IL31RA: variants seen among roughly 807,000 people sequenced by gnomAD.
The protein encoded by IL31RA is interleukin 31 receptor A.
A neutral mutation model predicts 83.7 loss-of-function variants in IL31RA; 66 were observed. That is an observed-to-expected ratio of 0.79 (90% CI 0.65 to 0.97). The LOEUF (loss-of-function observed/expected upper bound fraction) is 0.97, where lower values mean the gene tolerates loss of function less well. Ranked by LOEUF, IL31RA falls within the 50% of genes least tolerant of loss-of-function variation. IL31RA has a pLI of 0.00. For missense variants in IL31RA, 798 were observed against 919.4 expected, an observed-to-expected ratio of 0.87 and a Z score of 1.71; for synonymous variants, 325 against 329.0, an observed-to-expected ratio of 0.99 and a Z score of 0.13.
At chr5:55,839,892 T>C in the IL31RA span, 1 of 718,044 alleles carries the variant, frequency 1.4e-6, no homozygotes, top group Non-Finnish European at 2.6e-6. Context: ...CTGTTGTAGA[T>C]GAAACGAATA....
chr5:55,842,441 G>A, the IL31RA span, among the ~76,000 whole-genome samples: 2 of 152,264 alleles, frequency 1.3e-5, no homozygotes, highest in East Asian at 3.9e-4. Context: ...TGGCTTTGAG[G>A]CCCCATTGCA....
At chr5:55,848,595 T>A (rs1744987871), upstream of IL31RA, among the ~76,000 whole-genome samples, 1 of 152,208 alleles carries the variant, frequency 6.6e-6, no homozygotes. Flanking sequence ...ATTTATCTGT[T>A]TTGGTTTTTA....
At chr5:55,864,728 T>C (rs2112332562) in intron 2 of IL31RA, among the ~76,000 whole-genome samples, 1 of 142,514 alleles carries the variant, frequency 7.0e-6, no homozygotes, top group Middle Eastern at 4.5e-3. Flanking sequence ...ACACCACACA[T>C]ACCCTGCACA....
chr5:55,870,259 A>AT (rs1746433050), intron 3 of IL31RA, among the ~76,000 whole-genome samples: 1 of 152,156 alleles, frequency 6.6e-6, no homozygotes, highest in Non-Finnish European at 1.5e-5. Context: ...GCCCCAAAGT[A>AT]TTTTTGTTCG....
intron 3 of IL31RA, among the ~76,000 whole-genome samples, chr5:55,871,039 G>T (rs544067871): frequency 2.0e-5 from 3 of 152,336 alleles, no homozygotes; most frequent in African/African-American, 7.2e-5. Context: ...CATTTTAAAA[G>T]TGCCTTATGT....
chr5:55,843,342 T>C, the IL31RA span, among the ~76,000 whole-genome samples: 1 of 152,154 alleles, frequency 6.6e-6, no homozygotes, highest in Non-Finnish European at 1.5e-5. Context: ...AAATGTCATA[T>C]TTTTCTGGAG....
chr5:55,871,319 G>A (rs894244259), intron 3 of IL31RA, among the ~76,000 whole-genome samples: 5 of 152,128 alleles, frequency 3.3e-5, no homozygotes, highest in African/African-American at 9.7e-5. Context: ...GATTCTATGT[G>A]TCTATGTCTC....
At position 55,872,454 on chromosome 5, in the gene IL31RA, A is replaced by C; in HGVS notation, c.454+3A>C. The C allele has an allele frequency of 6.3e-7, 1 of 1,580,094 alleles. No individual in the cohort carries two copies. Among genetic ancestry groups the C allele is most frequent in the Non-Finnish European group, 8.7e-7 (1 of 1,150,306 alleles). On this transcript the variant is annotated splice_donor_region_variant and intron_variant, in intron 4 of 14. Transcript: ENST00000652347. Reference sequence around the variant, plus strand: ...ATACTGGAGATTAGAGAACATAGGTAAGTGTTATTTGATACTCTTATATAC... The same window carrying C: ...ATACTGGAGATTAGAGAACATAGGTCAGTGTTATTTGATACTCTTATATAC...
In IL31RA at chr5:55,908,940, G is replaced by A. The variant is rs1481366764; in HGVS notation, c.1501+529G>A. ...TAAACATTTGAAAGTGTACAATTTAGTGGCATTAGAAGCATTCACAATATT... is the reference window on the plus strand; with the variant it reads ...TAAACATTTGAAAGTGTACAATTTAATGGCATTAGAAGCATTCACAATATT... On this transcript the variant is annotated intron_variant, in intron 11 of 14. Coordinates refer to ENST00000652347, the MANE Select transcript of IL31RA (RefSeq NM_139017.7). 4.5e-6 allele frequency: 5 copies of A among 1,110,778 alleles called. No individual in the cohort carries two copies. In the East Asian group the frequency reaches 1.8e-4, roughly 40 times the overall value. The allele number at this position is 1,110,778 out of a possible 1,614,324, so 68.8% of individuals were successfully genotyped here.
At chr5:55,859,082 G>A (rs1745514621) in intron 1 of IL31RA, among the ~76,000 whole-genome samples, 2 of 152,232 alleles carry the variant, frequency 1.3e-5, no homozygotes, top group Admixed American at 1.3e-4. Flanking sequence ...TCAGAAATAA[G>A]GGGAAAGGAG....
At chr5:55,897,081 C>T (rs1180875068) in intron 7 of IL31RA, among the ~76,000 whole-genome samples, 1 of 117,156 alleles carries the variant, frequency 8.5e-6, no homozygotes, top group African/African-American at 3.3e-5. Context: ...AACTCCTGGG[C>T]TCGAGAGATC....
At chr5:55,874,171 G>T (rs1025512566) in intron 4 of IL31RA, among the ~76,000 whole-genome samples, 1 of 151,970 alleles carries the variant, frequency 6.6e-6, no homozygotes, top group Admixed American at 6.6e-5. Flanking sequence ...CCCATCCCAC[G>T]TTGTTGAATT....
In IL31RA at chr5:55,903,578, C is replaced by A. The variant is rs892680585; in HGVS notation, c.1070-2528C>A. On this transcript the variant is annotated intron_variant, in intron 8 of 14. Coordinates refer to ENST00000652347, the MANE Select transcript of IL31RA (RefSeq NM_139017.7). The surrounding 1 kb of genome is among the most constrained non-coding windows in gnomAD (Gnocchi z 4.7). ...ATGGTTTCCTGGGGCCGGCGCCACG[C>A]CCCTGTGGTCTCCGCAGTCTCTGCA... Among the ~76,000 whole-genome samples the A allele has an allele frequency of 3.9e-5, 6 of 152,206 alleles. No individual in the cohort carries two copies. Among genetic ancestry groups the A allele is most frequent in the Non-Finnish European group, 8.8e-5 (6 of 68,034 alleles).
chr5:55,922,425 C>A lies in IL31RA; in HGVS notation c.*5305C>A. 1.3e-6 allele frequency: 2 copies of A among 1,550,708 alleles called. No homozygotes were observed. The highest frequency in any genetic ancestry group is 1.2e-5 in the South Asian group (1 of 84,054). On this transcript the variant is annotated 3_prime_UTR_variant, in exon 15 of 15. Coordinates refer to ENST00000652347, the MANE Select transcript of IL31RA (RefSeq NM_139017.7). ...AGAATTCTGTCTTCCTGCCCAACTTCAATATAAGTGTGGACTAAAATGCGA... is the reference window on the plus strand; with the variant it reads ...AGAATTCTGTCTTCCTGCCCAACTTAAATATAAGTGTGGACTAAAATGCGA...
chr5:55,853,985 T>C (rs1255980024), intron 1 of IL31RA, among the ~76,000 whole-genome samples: 1 of 152,168 alleles, frequency 6.6e-6, no homozygotes, highest in Non-Finnish European at 1.5e-5. Context: ...CAGTCGTGAG[T>C]TTGAATCTCA....
the IL31RA span, among the ~76,000 whole-genome samples, chr5:55,842,853 G>T: frequency 2.0e-5 from 3 of 152,192 alleles, no homozygotes; most frequent in Non-Finnish European, 4.4e-5. Context: ...TCCAGCCTTA[G>T]TGTTACTTGA....
intron 7 of IL31RA, among the ~76,000 whole-genome samples, chr5:55,896,821 G>A (rs1378770677): frequency 3.3e-5 from 2 of 61,298 alleles, no homozygotes; most frequent in South Asian, 7.0e-4. Context: ...CCCCACCGCC[G>A]CCTTTCTTTC....
rs781221193 is a variant in IL31RA at position 55,907,411 on chromosome 5, T to C, written c.1305T>C (p.His435=). 6.2e-7 allele frequency: 1 copy of C among 1,613,796 alleles called. No individual in the cohort carries two copies. Among genetic ancestry groups the C allele is most frequent in the East Asian group, 2.2e-5 (1 of 44,898 alleles). The change falls in exon 10 of 15, where the codon CAT becomes CAC. Residue 435 remains histidine (H), a synonymous_variant. Transcript: ENST00000652347. ...ACATCTCTGTGTATCCAATGTTGCATGACAAAGTTGGCGAGCCATATTCCA... is the reference window on the plus strand; with the variant it reads ...ACATCTCTGTGTATCCAATGTTGCACGACAAAGTTGGCGAGCCATATTCCA... ...CYNISVYPML[H]DKVGEPYSIQ... is the part of the protein sequence containing the mutation.
rs1749160208 is a variant in IL31RA at position 55,906,394 on chromosome 5, A to T, written c.1252+106A>T. On this transcript the variant is annotated intron_variant, in intron 9 of 14. Transcript: ENST00000652347. Reference sequence around the variant, plus strand: ...CTTCAAAGCTGTTAGTGTGGTTAATAGCATTTGTCAAGCTTGTGCAAGCTT... The same window carrying T: ...CTTCAAAGCTGTTAGTGTGGTTAATTGCATTTGTCAAGCTTGTGCAAGCTT... 16 of 1,056,800 alleles carry T rather than the reference A, an allele frequency of 1.5e-5. No homozygotes were observed. In the South Asian group the frequency reaches 2.0e-4, roughly 13 times the overall value. 65.5% of individuals were successfully genotyped at this position (1,056,800 alleles called of 1,614,324 possible).
Sources: gnomAD v4.1 joint callset for allele counts (sites outside exome capture counted in the v4.1 genomes callset) on GRCh38, gnomAD v4.1.1 for gene constraint, Gnocchi (gnomAD v3.1) non-coding constraint, MANE v1.5 for transcripts, NCBI Gene and HGNC (gene_info 2026-07-23, HGNC 2026-07-21) for gene names.